Variants in JAKMIP1 observed in about 807,000 individuals in gnomAD.
The protein encoded by JAKMIP1 is janus kinase and microtubule-interacting protein 1.
A neutral mutation model predicts 113.0 loss-of-function variants in JAKMIP1; 33 were observed. The observed-to-expected ratio is 0.29, with a 90% confidence interval of 0.22 to 0.39. JAKMIP1 has a LOEUF of 0.39. JAKMIP1 is among the 10% of genes least tolerant of loss of function. The pLI is 1.00. For synonymous variants in JAKMIP1, 480 were observed against 459.9 expected, an observed-to-expected ratio of 1.04 and a Z score of -0.56; for missense variants, 813 against 1,080.5, an observed-to-expected ratio of 0.75 and a Z score of 3.47.
At chr4:6,098,706 AAG>A (rs1272332637) in intron 3 of JAKMIP1, among the ~76,000 whole-genome samples, 3 of 15,870 alleles carry the variant, frequency 1.9e-4, no homozygotes, top group African/African-American at 4.1e-4. Flanking sequence ...GAAAGAAAGA[AAG>A]AAAGAAAGAA....
In JAKMIP1 at chr4:6,067,788, TTCTGCACACGCAGGTCACCCCCCTGA is replaced by T. The variant is rs1718379337; in HGVS notation, c.1303-2806_1303-2781del. On this transcript the variant is annotated intron_variant, in intron 8 of 20. Coordinates refer to ENST00000409021, the MANE Select transcript of JAKMIP1 (RefSeq NM_001099433.2). This position sits in a 1 kb window ranked among gnomAD's most constrained non-coding sequence, Gnocchi z 4.6. ...CTGAGCTCCACGTTCACTCAAGCTC[TTCTGCACACGCAGGTCACCCCCCTGA>T]GCTCCACGTTCACTCAAGCTCTTCT... Among the ~76,000 whole-genome samples the T allele has an allele frequency of 1.4e-5, 2 of 140,418 alleles. No homozygotes were observed. Among genetic ancestry groups the T allele is most frequent in the African/African-American group, 5.5e-5 (2 of 36,070 alleles). 92.1% of individuals were successfully genotyped at this position (140,418 alleles called of 152,430 possible). A position where few individuals can be genotyped will look rare whatever the true frequency, so the allele number is the denominator to read the frequency against.
chr4:6,128,144 T>C (rs1455141998), intron 1 of JAKMIP1, among the ~76,000 whole-genome samples: 4 of 152,006 alleles, frequency 2.6e-5, no homozygotes, highest in Non-Finnish European at 5.9e-5. Flanking sequence ...GCCACAGTCA[T>C]GTGGTTAGAA....
In JAKMIP1 at chr4:6,200,218, G is replaced by C. The variant is rs1393414236; in HGVS notation, c.-148+35C>G. ...GGTCCACGGGTTCCCTCTGGCCAGC[G>C]CTCGCCTCCCGCCCCCCGGCGCACC... On this transcript the variant is annotated intron_variant, in intron 1 of 20. Transcript: ENST00000409021. The surrounding 1 kb of genome is among the most constrained non-coding windows in gnomAD (Gnocchi z 7.0). 6.6e-6 allele frequency: 1 copy of C among 151,424 alleles called. No homozygotes were observed. The highest frequency in any genetic ancestry group is 1.5e-5 in the Non-Finnish European group (1 of 67,910). The allele number at this position is 151,424 out of a possible 1,614,324, so 9.4% of individuals were successfully genotyped here.
chr4:6,120,576 G>A (rs919837619), intron 1 of JAKMIP1, among the ~76,000 whole-genome samples: 4 of 152,192 alleles, frequency 2.6e-5, no homozygotes, highest in Non-Finnish European at 5.9e-5. Context: ...GAGCCCTGCC[G>A]GGCAGCACCT....
intron 1 of JAKMIP1, among the ~76,000 whole-genome samples, chr4:6,147,410 G>A (rs997475551): frequency 6.6e-6 from 1 of 152,212 alleles, no homozygotes; most frequent in Admixed American, 6.5e-5. Context: ...GGAAACATGG[G>A]AGAATGTCTG....
chr4:6,147,085 G>A (rs370238649), intron 1 of JAKMIP1, among the ~76,000 whole-genome samples: 4 of 151,830 alleles, frequency 2.6e-5, no homozygotes, highest in African/African-American at 7.3e-5. Context: ...TCAGCCTCCC[G>A]AGTAACTGGG....
rs907367103 is a variant in JAKMIP1 at position 6,129,783 on chromosome 4, C to T, written c.-147-16786G>A. 7.9e-5 allele frequency among the ~76,000 whole-genome samples: 12 copies of T among 152,350 alleles called. 1 individual carries two copies. The highest frequency in any genetic ancestry group is 2.9e-4 in the African/African-American group (12 of 41,584). On this transcript the variant is annotated intron_variant, in intron 1 of 20. Coordinates refer to ENST00000409021, the MANE Select transcript of JAKMIP1 (RefSeq NM_001099433.2). The surrounding 1 kb of genome is among the most constrained non-coding windows in gnomAD (Gnocchi z 5.4). Reference sequence around the variant, plus strand: ...CTAGAAAAGTATTCTGAGGTCAAAACACCCTTCCTGTTTCTGGCAGCCTCA... The same window carrying T: ...CTAGAAAAGTATTCTGAGGTCAAAATACCCTTCCTGTTTCTGGCAGCCTCA...
intron 1 of JAKMIP1, among the ~76,000 whole-genome samples, chr4:6,117,221 C>T (rs540700199): frequency 4.3e-4 from 66 of 152,240 alleles, no homozygotes; most frequent in African/African-American, 1.6e-3. Context: ...GGGGACCTGC[C>T]CCGATAATCA....
chr4:6,127,658 G>A (rs998016668), intron 1 of JAKMIP1, among the ~76,000 whole-genome samples: 1 of 152,194 alleles, frequency 6.6e-6, no homozygotes, highest in African/African-American at 2.4e-5. Flanking sequence ...GGCACACCTG[G>A]GAAGGCCCCA....
intron 20 of JAKMIP1, among the ~76,000 whole-genome samples, chr4:6,026,872 T>C (rs1371142113): frequency 0.033 from 593 of 17,752 alleles, 4 homozygotes; most frequent in African/African-American, 0.11. Flanking sequence ...TTGCATTTTT[T>C]TTTTTTTTTT....
chr4:6,199,242 G>A lies in JAKMIP1; in HGVS notation c.-148+1011C>T, dbSNP rs914905424. ...CAGTATCGCTGGAGCTCAGAGAGCC[G>A]GGCAGAGGCTGGCGGAGAGCCGAGG... On this transcript the variant is annotated intron_variant, in intron 1 of 20. Transcript: ENST00000409021. The surrounding 1 kb of genome is among the most constrained non-coding windows in gnomAD (Gnocchi z 5.6). 1.3e-5 allele frequency among the ~76,000 whole-genome samples: 2 copies of A among 152,258 alleles called. No homozygotes were observed. The highest frequency in any genetic ancestry group is 6.5e-5 in the Admixed American group (1 of 15,294).
intron 5 of JAKMIP1, among the ~76,000 whole-genome samples, chr4:6,084,402 A>C (rs1386430750): frequency 6.6e-6 from 1 of 152,128 alleles, no homozygotes; most frequent in African/African-American, 2.4e-5. Context: ...TTTTCATTTA[A>C]TTTACTATGA....
rs149142509 is a variant in JAKMIP1 at position 6,043,759 on chromosome 4, C to G, written c.2029-1532G>C. Reference sequence around the variant, plus strand: ...CACACCCCAAATTCCTTTCTGCCCCCCCAGCCAGCAAGTTCCCTAAAAAAC... The same window carrying G: ...CACACCCCAAATTCCTTTCTGCCCCGCCAGCCAGCAAGTTCCCTAAAAAAC... On this transcript the variant is annotated intron_variant, in intron 16 of 20. Transcript: ENST00000409021. Among the ~76,000 whole-genome samples, 622 of 151,910 alleles carry G rather than the reference C, an allele frequency of 4.1e-3. 4 individuals are homozygous for G. The highest frequency in any genetic ancestry group is 7.1e-3 in the Non-Finnish European group (482 of 67,942).
Position 6,050,486 on chromosome 4 carries a change from A to T in JAKMIP1, c.1908+92T>A, listed in dbSNP as rs1290478699. ...CACAAGGGGTATCTCATGAAAATCA[A>T]TTCTATCCCAGCACTCCCCCTTTGC... On this transcript the variant is annotated intron_variant, in intron 14 of 20. Coordinates refer to ENST00000409021, the MANE Select transcript of JAKMIP1 (RefSeq NM_001099433.2). The surrounding 1 kb of genome is among the most constrained non-coding windows in gnomAD (Gnocchi z 7.4). The T allele has an allele frequency of 5.4e-5, 46 of 859,482 alleles. No individual in the cohort carries two copies. The highest frequency in any genetic ancestry group is 1.7e-5 in the Non-Finnish European group (9 of 542,596). 53.2% of individuals were successfully genotyped at this position (859,482 alleles called of 1,614,324 possible). A position where few individuals can be genotyped will look rare whatever the true frequency, so the allele number is the denominator to read the frequency against.
chr4:6,039,762 C>T (rs1335449866), intron 18 of JAKMIP1, among the ~76,000 whole-genome samples: 1 of 152,198 alleles, frequency 6.6e-6, no homozygotes, highest in East Asian at 1.9e-4. Context: ...TAGCTAGTTG[C>T]ACCGGCCTTC....
rs1467826342 is a variant in JAKMIP1 at position 6,135,585 on chromosome 4, T to TA, written c.-147-22589dup. On this transcript the variant is annotated intron_variant, in intron 1 of 20. Transcript: ENST00000409021. The surrounding 1 kb of genome is among the most constrained non-coding windows in gnomAD (Gnocchi z 4.9). ...CAGGTCCAGCCTGGCCTAGCCTTGATAAAAAAGCCATCGCATACACAGCAT... is the reference window on the plus strand; with the variant it reads ...CAGGTCCAGCCTGGCCTAGCCTTGATAAAAAAAGCCATCGCATACACAGCAT... Among the ~76,000 whole-genome samples the TA allele has an allele frequency of 3.9e-5, 6 of 152,084 alleles. No individual in the cohort carries two copies. Among genetic ancestry groups the TA allele is most frequent in the African/African-American group, 9.7e-5 (4 of 41,402 alleles).
intron 8 of JAKMIP1, among the ~76,000 whole-genome samples, chr4:6,075,821 T>C (rs1719619771): frequency 6.6e-6 from 1 of 152,240 alleles, no homozygotes; most frequent in South Asian, 2.1e-4. Context: ...ACAGGCAATG[T>C]AGCAAATCAC....
Position 6,027,975 on chromosome 4 carries a change from G to A in JAKMIP1, c.2446-1697C>T, listed in dbSNP as rs141715388. On this transcript the variant is annotated intron_variant, in intron 20 of 20. Transcript: ENST00000409021. ...GCTGCCAGTCCACACGCCTTGCCTG[G>A]GCCCTGGGCTGCGAACTTTCATATC... 2.5e-3 allele frequency among the ~76,000 whole-genome samples: 374 copies of A among 152,264 alleles called. 2 individuals carry two copies. Among genetic ancestry groups the A allele is most frequent in the African/African-American group, 8.6e-3 (359 of 41,536 alleles).
At position 6,069,969 on chromosome 4, in the gene JAKMIP1, C is replaced by T. The variant is rs560538576; in HGVS notation, c.1303-4961G>A. On this transcript the variant is annotated intron_variant, in intron 8 of 20. Coordinates refer to ENST00000409021, the MANE Select transcript of JAKMIP1 (RefSeq NM_001099433.2). The surrounding 1 kb of genome is among the most constrained non-coding windows in gnomAD (Gnocchi z 4.5). ...CACCTTCCTATCATTTTCAACAGAG[C>T]CACCTGTCACAGGCAGGAGCATCGG... 19 of 396,858 alleles carry T rather than the reference C, an allele frequency of 4.8e-5. No individual in the cohort carries two copies. In the South Asian group the frequency reaches 1.6e-3, roughly 33 times the overall value. The allele number at this position is 396,858 out of a possible 1,614,324, so 24.6% of individuals were successfully genotyped here. A position where few individuals can be genotyped will look rare whatever the true frequency, so the allele number is the denominator to read the frequency against.
Sources: gnomAD v4.1 joint callset for allele counts (sites outside exome capture counted in the v4.1 genomes callset) on GRCh38, gnomAD v4.1.1 for gene constraint, Gnocchi (gnomAD v3.1) non-coding constraint, MANE v1.5 for transcripts, NCBI Gene and HGNC (gene_info 2026-07-23, HGNC 2026-07-21) for gene names.